Variants in PAK2 observed in about 807,000 individuals in gnomAD.
PAK2 encodes serine/threonine-protein kinase PAK 2.
In PAK2, 21 loss-of-function variants were observed where a neutral mutation model predicts 65.9. The ratio of observed to expected loss-of-function variants is 0.32; its 90% confidence interval spans 0.23 to 0.46. The LOEUF is 0.46. Ranked by LOEUF, PAK2 falls within the 20% of genes least tolerant of loss-of-function variation. The pLI is 1.00. For synonymous variants in PAK2, 204 were observed against 219.7 expected, an observed-to-expected ratio of 0.93 and a Z score of 0.63; for missense variants, 324 against 642.6, an observed-to-expected ratio of 0.50 and a Z score of 5.36.
intron 7 of PAK2, among the ~76,000 whole-genome samples, chr3:196,808,510 G>A (rs1336149583): frequency 1.4e-5 from 2 of 143,044 alleles, no homozygotes; most frequent in South Asian, 2.3e-4. Flanking sequence ...ATAGTGAGCC[G>A]AGATCGCGCC....
At chr3:196,762,499 G>A (rs961241377) in intron 1 of PAK2, among the ~76,000 whole-genome samples, 2 of 150,796 alleles carry the variant, frequency 1.3e-5, no homozygotes, top group African/African-American at 2.4e-5. Flanking sequence ...GCTGGAGACC[G>A]GCCCGGCCAA....
intron 1 of PAK2, among the ~76,000 whole-genome samples, chr3:196,781,108 A>C (rs1033791725): frequency 1.3e-5 from 2 of 152,166 alleles, no homozygotes; most frequent in Non-Finnish European, 2.9e-5. Context: ...ACTTATACCT[A>C]CTTTTCTTCA....
chr3:196,742,545 C>T (rs1441730378), intron 1 of PAK2, among the ~76,000 whole-genome samples: 3 of 152,138 alleles, frequency 2.0e-5, no homozygotes, highest in Admixed American at 6.5e-5. Flanking sequence ...CCATCAAAAT[C>T]GATTATTATT....
chr3:196,789,548 C>T (rs528644023), intron 2 of PAK2, among the ~76,000 whole-genome samples: 29 of 152,108 alleles, frequency 1.9e-4, no homozygotes, highest in Admixed American at 4.6e-4. Context: ...CTGCAACCTC[C>T]GCCTCCTGGG....
At chr3:196,762,470 G>A (rs1237418928) in intron 1 of PAK2, among the ~76,000 whole-genome samples, 3 of 150,018 alleles carry the variant, frequency 2.0e-5, no homozygotes, top group African/African-American at 4.9e-5. Flanking sequence ...CGAGGCTGGC[G>A]GATCACTCGC....
At chr3:196,803,645 A>G (rs1715486815) in intron 4 of PAK2, among the ~76,000 whole-genome samples, 1 of 152,246 alleles carries the variant, frequency 6.6e-6, no homozygotes, top group South Asian at 2.1e-4. Context: ...TTAATATATA[A>G]AACAGATAAA....
chr3:196,799,814 A>G (rs9826578), intron 2 of PAK2, among the ~76,000 whole-genome samples: 132,728 of 152,128 alleles, frequency 0.87, 58,182 homozygotes, highest in African/African-American at 0.95. Flanking sequence ...GTGTTTTGCC[A>G]TGTTGGCCAG....
In PAK2 at chr3:196,759,498, G is replaced by GTTTTTTTTTTTTTTTTTTTTTTTTT. The variant is rs71301221; in HGVS notation, c.-22+19356_-22+19380dup. ...GGTATACAGTTAAGTGGTTTTTTTT[G>GTTTTTTTTTTTTTTTTTTTTTTTTT]TTTTTTTTTTTTTTTTTTTTTTTTT... On this transcript the variant is annotated intron_variant, in intron 1 of 14. Coordinates refer to ENST00000327134, the MANE Select transcript of PAK2 (RefSeq NM_002577.4). Among the ~76,000 whole-genome samples the GTTTTTTTTTTTTTTTTTTTTTTTTT allele has an allele frequency of 1.3e-4, 14 of 108,160 alleles. 2 individuals carry two copies. Among genetic ancestry groups the GTTTTTTTTTTTTTTTTTTTTTTTTT allele is most frequent in the Admixed American group, 3.3e-4 (3 of 9,062 alleles). 71.0% of individuals were successfully genotyped at this position (108,160 alleles called of 152,430 possible). A position where few individuals can be genotyped will look rare whatever the true frequency, so the allele number is the denominator to read the frequency against.
chr3:196,758,659 G>T (rs77880444), intron 1 of PAK2, among the ~76,000 whole-genome samples: 4,452 of 151,946 alleles, frequency 0.029, 78 homozygotes, highest in Middle Eastern at 0.062. Flanking sequence ...TTTTATTTTA[G>T]TTTATTTTAT....
intron 1 of PAK2, among the ~76,000 whole-genome samples, chr3:196,768,966 C>T (rs1436564973): frequency 6.6e-6 from 1 of 151,840 alleles, no homozygotes; most frequent in Non-Finnish European, 1.5e-5. Flanking sequence ...CGTGCCCGGC[C>T]TACTTTTATT....
At position 196,751,698 on chromosome 3, in the gene PAK2, TC is replaced by T. The variant is rs1560089869; in HGVS notation, c.-22+11542del. 7.2e-5 allele frequency among the ~76,000 whole-genome samples: 7 copies of T among 97,350 alleles called. 1 individual carries two copies. Among genetic ancestry groups the T allele is most frequent in the African/African-American group, 2.2e-4 (5 of 22,420 alleles). 63.9% of individuals were successfully genotyped at this position (97,350 alleles called of 152,430 possible). A position where few individuals can be genotyped will look rare whatever the true frequency, so the allele number is the denominator to read the frequency against. On this transcript the variant is annotated intron_variant, in intron 1 of 14. Coordinates refer to ENST00000327134, the MANE Select transcript of PAK2 (RefSeq NM_002577.4). ...ACATATATATATATATATATATAATTCAGGCTATATATAAAAGGCATTTATG... is the reference window on the plus strand; with the variant it reads ...ACATATATATATATATATATATAATTAGGCTATATATAAAAGGCATTTATG...
intron 1 of PAK2, among the ~76,000 whole-genome samples, chr3:196,769,369 T>G (rs1714285629): frequency 6.6e-6 from 1 of 151,988 alleles, no homozygotes; most frequent in South Asian, 2.1e-4. Context: ...ATCCTAGTTT[T>G]TTGTTGTGCT....
At chr3:196,790,670 T>G (rs926099649) in intron 2 of PAK2, among the ~76,000 whole-genome samples, 1 of 152,216 alleles carries the variant, frequency 6.6e-6, no homozygotes, top group African/African-American at 2.4e-5. Flanking sequence ...ACAGATGTTA[T>G]GCTTGTCAGT....
intron 1 of PAK2, among the ~76,000 whole-genome samples, chr3:196,779,913 C>T (rs935738574): frequency 7.2e-5 from 11 of 152,232 alleles, no homozygotes; most frequent in African/African-American, 2.7e-4. Context: ...CCAAGCAATC[C>T]GCCCACCTTG....
chr3:196,826,678 T>G (rs888824515), intron 13 of PAK2, among the ~76,000 whole-genome samples: 1 of 152,042 alleles, frequency 6.6e-6, no homozygotes, highest in African/African-American at 2.4e-5. Flanking sequence ...TCCAGCACTT[T>G]GGGAGGCCGA....
At chr3:196,824,584 G>A (rs186990458) in intron 13 of PAK2, among the ~76,000 whole-genome samples, 2 of 152,276 alleles carry the variant, frequency 1.3e-5, no homozygotes, top group East Asian at 3.9e-4. Flanking sequence ...GGGGATCGGG[G>A]GTAGAGAGGA....
chr3:196,745,994 T>C (rs73205806), intron 1 of PAK2, among the ~76,000 whole-genome samples: 13,596 of 151,572 alleles, frequency 0.09, 815 homozygotes, highest in South Asian at 0.15. Flanking sequence ...TTTTTTTTTT[T>C]CTTTTTCTTT....
Position 196,805,377 on chromosome 3 carries a change from AC to A in PAK2, c.464del (p.Pro155GlnfsTer3). ...AGAAAGATGGCTTTCCTTCTGGAAC[AC>A]CAGCAGTAAGTTAATTATATTATTT... is the stretch of plus-strand genomic sequence containing the variant. Reference protein sequence around the residue: ...PEKDGFPSGTPALNAKGTEAP... With the variant: ...PEKDGFPSGTXALNAKGTEAP... On this transcript the variant is annotated frameshift_variant, in exon 5 of 15. Transcript: ENST00000327134. LOFTEE classifies it high-confidence loss of function. 7.1e-7 allele frequency: 1 copy of A among 1,410,038 alleles called. No homozygotes were observed. The highest frequency in any genetic ancestry group is 9.7e-7 in the Non-Finnish European group (1 of 1,029,608). 87.3% of individuals were successfully genotyped at this position (1,410,038 alleles called of 1,614,324 possible).
intron 1 of PAK2, among the ~76,000 whole-genome samples, chr3:196,755,711 GC>G (rs1221235164): frequency 6.6e-6 from 1 of 152,060 alleles, no homozygotes; most frequent in East Asian, 1.9e-4. Context: ...GCCTGCCTCA[GC>G]CTCCCAAAGT....
Sources: gnomAD v4.1 joint callset for allele counts (sites outside exome capture counted in the v4.1 genomes callset) on GRCh38, gnomAD v4.1.1 for gene constraint, MANE v1.5 for transcripts, NCBI Gene and HGNC (gene_info 2026-07-23, HGNC 2026-07-21) for gene names.